CCNB3: variants seen among roughly 807,000 people sequenced by gnomAD.
CCNB3 encodes cyclin B3, also known as G2/mitotic-specific cyclin-B3.
CCNB3 carries 12 observed loss-of-function variants against 68.0 expected under a neutral mutation model. The observed-to-expected ratio is 0.18, with a 90% CI of 0.11 to 0.29. The LOEUF is 0.29. Ranked by LOEUF, CCNB3 falls within the 10% of genes least tolerant of loss-of-function variation. The pLI is 1.00. For synonymous variants in CCNB3, 354 were observed against 388.9 expected, an observed-to-expected ratio of 0.91 and a Z score of 1.06; for missense variants, 904 against 993.1, an observed-to-expected ratio of 0.91 and a Z score of 1.21.
intron 1 of CCNB3, among the ~76,000 whole-genome samples, chrX:50,219,930 G>A (rs1157280572): frequency 5.4e-5 from 6 of 111,373 alleles, no homozygotes; most frequent in Non-Finnish European, 1.1e-4. Context: ...GTTTGTTTGT[G>A]TCCTCTCTTT....
intron 9 of CCNB3, among the ~76,000 whole-genome samples, chrX:50,344,888 C>A (rs782293700): frequency 2.7e-5 from 3 of 111,325 alleles, no homozygotes; most frequent in Non-Finnish European, 5.7e-5. Context: ...TTCATTTTTC[C>A]TTCAGCTAGG....
intron 9 of CCNB3, 44 bp from the exon 10 acceptor site, chrX:50,346,607 TG>T (rs1923415097): frequency 3.4e-6 from 4 of 1,165,136 alleles, no homozygotes; most frequent in Non-Finnish European, 4.6e-6. Context: ...GCAGAAAGGT[TG>T]GGTTGTCTGT....
intron 1 of CCNB3, among the ~76,000 whole-genome samples, chrX:50,216,155 A>G (rs1053296889): frequency 4.6e-5 from 5 of 108,175 alleles, no homozygotes; most frequent in Middle Eastern, 4.7e-3. Flanking sequence ...CACCATGTTG[A>G]TGTTGGTCAG....
rs1557214509 is a variant in CCNB3, at chrX:50,310,283, A to C, written c.2114A>C (p.Asp705Ala). ...VLQEKTDAEEDSLKNLLALQE... is the reference protein window; with the variant it reads ...VLQEKTDAEEASLKNLLALQE... ...CAAGAGAAGACTGATGCCGAAGAGG[A>C]TTCCTTGAAGAACTTGTTGGCTTTG... The change falls in exon 6 of 13, where the codon GAT becomes GCT. Residue 705 changes from aspartate to alanine, a missense_variant. By Grantham distance (126) the Asp-to-Ala change is moderately radical (BLOSUM62 -2). Around this residue, in one of 2 missense-constraint regions of CCNB3, gnomAD observed 619 missense variants for 609.8 expected, o/e 1.02. Coordinates refer to ENST00000376042, the MANE Select transcript of CCNB3 (RefSeq NM_033031.3). The C allele has an allele frequency of 1.7e-6, 2 of 1,210,301 alleles. No individual in the cohort carries two copies. Among genetic ancestry groups the C allele is most frequent in the Non-Finnish European group, 2.2e-6 (2 of 895,102 alleles).
rs1460670271 is a variant in CCNB3, at chrX:50,298,876, G to A, written c.335+3883G>A. On this transcript the variant is annotated intron_variant, in intron 5 of 12. Coordinates refer to ENST00000376042, the MANE Select transcript of CCNB3 (RefSeq NM_033031.3). ...TTAGTCTTGGGAGAGTGTATGTGTC[G>A]AAAAATTTATCCATTTCTTCTAGAA... Among the ~76,000 whole-genome samples, 6 of 111,724 alleles carry A rather than the reference G, an allele frequency of 5.4e-5. No individual in the cohort carries two copies. In the East Asian group the frequency reaches 8.4e-4, roughly 16 times the overall value.
chrX:50,307,314 A>G lies in CCNB3; in HGVS notation c.336-1191A>G, dbSNP rs781797848. Reference sequence around the variant, plus strand: ...TCTTCACAATAAGCCTATGAAGGAGATATTATGATCCTCATTTTATAGGTG... The same window carrying G: ...TCTTCACAATAAGCCTATGAAGGAGGTATTATGATCCTCATTTTATAGGTG... On this transcript the variant is annotated intron_variant, in intron 5 of 12. Coordinates refer to ENST00000376042, the MANE Select transcript of CCNB3 (RefSeq NM_033031.3). Among the ~76,000 whole-genome samples the G allele has an allele frequency of 2.7e-5, 3 of 111,283 alleles. No individual in the cohort carries two copies. The East Asian group carries it at 8.5e-4, about 31-fold the overall frequency.
chrX:50,228,105 G>A (rs1935949693), intron 1 of CCNB3, among the ~76,000 whole-genome samples: 1 of 86,588 alleles, frequency 1.2e-5, no homozygotes, highest in East Asian at 3.3e-4. Flanking sequence ...ATAATATATA[G>A]AGAATATATA....
chrX:50,330,677 T>A (rs1224860024), intron 8 of CCNB3, among the ~76,000 whole-genome samples: 1 of 111,428 alleles, frequency 9.0e-6, no homozygotes. Context: ...ATTATAAGAG[T>A]TTTAAATCCT....
At chrX:50,349,128 C>G (rs1425135777) in intron 11 of CCNB3, among the ~76,000 whole-genome samples, 3 of 112,546 alleles carry the variant, frequency 2.7e-5, no homozygotes, top group Non-Finnish European at 5.6e-5. Context: ...GAAGAGGTGA[C>G]TTTTGAGCTG....
At chrX:50,316,015 C>G (rs1397951239) in intron 8 of CCNB3, among the ~76,000 whole-genome samples, 1 of 111,076 alleles carries the variant, frequency 9.0e-6, no homozygotes, top group African/African-American at 3.3e-5. Flanking sequence ...ATGTCCACAC[C>G]CAAATCTTAT....
rs185303170 is a variant in CCNB3 at position 50,326,569 on chromosome X, T to G, written c.3516+12621T>G. Among the ~76,000 whole-genome samples, 11 of 111,497 alleles carry G rather than the reference T, an allele frequency of 9.9e-5. No individual in the cohort carries two copies. The East Asian group carries it at 2.8e-3, about 28-fold the overall frequency. ...TCTGGGAGAATTTCTTAAGATAGCC[T>G]TTGGAATAATTGATTTGGTTTTGGC... On this transcript the variant is annotated intron_variant, in intron 8 of 12. Coordinates refer to ENST00000376042, the MANE Select transcript of CCNB3 (RefSeq NM_033031.3).
chrX:50,209,159 G>T (rs1292935937), intron 1 of CCNB3, among the ~76,000 whole-genome samples: 6 of 111,373 alleles, frequency 5.4e-5, no homozygotes, highest in Admixed American at 2.9e-4. Flanking sequence ...TATATTTAAC[G>T]TGTACAGTTT....
At chrX:50,321,838 G>A (rs1210245060) in intron 8 of CCNB3, among the ~76,000 whole-genome samples, 2 of 110,614 alleles carry the variant, frequency 1.8e-5, no homozygotes, top group Non-Finnish European at 3.8e-5. Flanking sequence ...GATTAATTCA[G>A]GAAAAATTCA....
chrX:50,297,009 A>T (rs1557211201), intron 5 of CCNB3, among the ~76,000 whole-genome samples: 1 of 110,709 alleles, frequency 9.0e-6, no homozygotes, highest in African/African-American at 3.3e-5. Flanking sequence ...GTTTGAGTTC[A>T]TTGTAGATTC....
chrX:50,338,586 T>A (rs1250310331), intron 8 of CCNB3, among the ~76,000 whole-genome samples: 1 of 111,916 alleles, frequency 8.9e-6, no homozygotes, highest in Non-Finnish European at 1.9e-5. Context: ...GGGGTCAATT[T>A]TTAACTACCA....
intron 5 of CCNB3, among the ~76,000 whole-genome samples, chrX:50,296,017 C>T (rs1477748801): frequency 8.9e-6 from 1 of 111,836 alleles, no homozygotes; most frequent in Non-Finnish European, 1.9e-5. Context: ...TGGTTTCCTG[C>T]TGAAATGGAA....
At chrX:50,279,181 A>AT (rs1273366012) in intron 1 of CCNB3, among the ~76,000 whole-genome samples, 2 of 360 alleles carry the variant, frequency 5.6e-3, no homozygotes, top group East Asian at 0.14. Flanking sequence ...ATATGAATAT[A>AT]ATATATTCTC....
intron 9 of CCNB3, among the ~76,000 whole-genome samples, chrX:50,344,106 C>T (rs61323911): frequency 0.034 from 3,829 of 112,124 alleles, 174 homozygotes; most frequent in African/African-American, 0.12. Flanking sequence ...ATAGCCTAAA[C>T]AAATACCATT....
In CCNB3 at chrX:50,295,649, C is replaced by T. The variant is rs782073434; in HGVS notation, c.335+656C>T. On this transcript the variant is annotated intron_variant, in intron 5 of 12. Coordinates refer to ENST00000376042, the MANE Select transcript of CCNB3 (RefSeq NM_033031.3). Reference sequence around the variant, plus strand: ...TAAAGTCAATCATGTTGCCTTATTCCCCTCTGAAAATCTTATGAGGTCAAG... The same window carrying T: ...TAAAGTCAATCATGTTGCCTTATTCTCCTCTGAAAATCTTATGAGGTCAAG... Among the ~76,000 whole-genome samples the T allele has an allele frequency of 6.3e-5, 7 of 111,595 alleles. No individual in the cohort carries two copies. The South Asian group carries it at 2.7e-3, about 42-fold the overall frequency.
Sources: gnomAD v4.1 joint callset for allele counts (sites outside exome capture counted in the v4.1 genomes callset) on GRCh38, gnomAD v4.1.1 for gene constraint, gnomAD v4.1.1 regional missense constraint, MANE v1.5 for transcripts, NCBI Gene and HGNC (gene_info 2026-07-23, HGNC 2026-07-21) for gene names.